Variants in SMYD3 observed in about 807,000 individuals in gnomAD.
SMYD3 encodes the protein histone-lysine N-methyltransferase SMYD3.
In SMYD3, 36 loss-of-function variants were observed where a neutral mutation model predicts 57.7. The observed-to-expected ratio is 0.62, with a 90% confidence interval of 0.48 to 0.82. The LOEUF (loss-of-function observed/expected upper bound fraction) is 0.82, where lower values mean the gene tolerates loss of function less well. Ranked by LOEUF, SMYD3 falls within the 40% of genes least tolerant of loss-of-function variation. SMYD3 has a pLI of 0.00. For synonymous variants in SMYD3, 211 were observed against 195.0 expected, an observed-to-expected ratio of 1.08 and a Z score of -0.68; for missense variants, 515 against 538.8, an observed-to-expected ratio of 0.96 and a Z score of 0.44.
chr1:246,234,422 ACTGTG>A (rs2063480084), intron 5 of SMYD3, among the ~76,000 whole-genome samples: 1 of 152,308 alleles, frequency 6.6e-6, no homozygotes. Flanking sequence ...TTCCATTCAC[ACTGTG>A]ATGAACATAT....
intron 5 of SMYD3, among the ~76,000 whole-genome samples, chr1:246,117,542 G>C (rs1020208904): frequency 1.7e-4 from 26 of 152,142 alleles, no homozygotes; most frequent in African/African-American, 6.3e-4. Context: ...ATCTGATCCA[G>C]GTGTCTGGTT....
chr1:246,100,009 T>C (rs78665088), intron 5 of SMYD3, among the ~76,000 whole-genome samples: 4,953 of 152,238 alleles, frequency 0.033, 284 homozygotes, highest in African/African-American at 0.11. Context: ...GATATATTTA[T>C]CTAATATATT....
intron 10 of SMYD3, among the ~76,000 whole-genome samples, chr1:245,810,128 C>T (rs1230662034): frequency 6.6e-6 from 1 of 152,160 alleles, no homozygotes; most frequent in Non-Finnish European, 1.5e-5. Context: ...TGTCTCTTTC[C>T]GCAGTACTCT....
intron 5 of SMYD3, among the ~76,000 whole-genome samples, chr1:245,969,369 C>T (rs2058237707): frequency 6.6e-6 from 1 of 152,234 alleles, no homozygotes; most frequent in Admixed American, 6.5e-5. Flanking sequence ...TTCCAGTCCA[C>T]AGGCCTTTGA....
At chr1:246,040,251 T>G (rs1558174232) in intron 5 of SMYD3, among the ~76,000 whole-genome samples, 1 of 152,224 alleles carries the variant, frequency 6.6e-6, no homozygotes, top group Non-Finnish European at 1.5e-5. Context: ...AGAGGATTTA[T>G]GTAGCTCCGG....
chr1:246,437,248 GT>G (rs1437157872), intron 1 of SMYD3, among the ~76,000 whole-genome samples: 6 of 152,130 alleles, frequency 3.9e-5, no homozygotes, highest in Non-Finnish European at 7.4e-5. Context: ...AATCTCACCT[GT>G]CTTTTTGGGA....
At chr1:246,354,044 C>A (rs1017850658) in intron 2 of SMYD3, among the ~76,000 whole-genome samples, 1 of 152,086 alleles carries the variant, frequency 6.6e-6, no homozygotes, top group Middle Eastern at 3.4e-3. Context: ...AGAAGAAAAC[C>A]CCTGAGACAA....
chr1:245,910,065 G>C (rs561604102), intron 8 of SMYD3, among the ~76,000 whole-genome samples: 7 of 152,120 alleles, frequency 4.6e-5, no homozygotes, highest in African/African-American at 1.7e-4. Flanking sequence ...CTAGAACCAA[G>C]AGACTCCAAC....
At chr1:245,872,255 G>T (rs2052237766) in intron 8 of SMYD3, among the ~76,000 whole-genome samples, 1 of 152,196 alleles carries the variant, frequency 6.6e-6, no homozygotes, top group Non-Finnish European at 1.5e-5. Context: ...GGATCTCAGT[G>T]CCTTTAACAG....
At chr1:246,080,381 G>C (rs1396420056) in intron 5 of SMYD3, among the ~76,000 whole-genome samples, 2 of 139,098 alleles carry the variant, frequency 1.4e-5, no homozygotes, top group African/African-American at 5.6e-5. Flanking sequence ...CTGGGCATGT[G>C]AGGGATCTAG....
At chr1:246,225,008 G>A (rs773568874) in intron 5 of SMYD3, among the ~76,000 whole-genome samples, 2 of 151,874 alleles carry the variant, frequency 1.3e-5, no homozygotes, top group African/African-American at 4.8e-5. Context: ...CTGGACATAC[G>A]AACGGGAGCT....
Position 245,954,775 on chromosome 1 carries a change from C to A in SMYD3, c.532-24838G>T, listed in dbSNP as rs532923018. On this transcript the variant is annotated intron_variant, in intron 5 of 11. Transcript: ENST00000490107. ...ACTCTCACATTCAGCCCTTTCTTCCCGTTTCCACTGCAGGTATTTGTCTCC... is the reference window on the plus strand; with the variant it reads ...ACTCTCACATTCAGCCCTTTCTTCCAGTTTCCACTGCAGGTATTTGTCTCC... Among the ~76,000 whole-genome samples, 3 of 152,324 alleles carry A rather than the reference C, an allele frequency of 2.0e-5. No homozygotes were observed. In the South Asian group the frequency reaches 6.2e-4, roughly 32 times the overall value.
At chr1:246,478,769 A>G (rs78758484) in intron 1 of SMYD3, among the ~76,000 whole-genome samples, 184 of 14,366 alleles carry the variant, frequency 0.013, 79 homozygotes, top group Non-Finnish European at 0.03. Context: ...GTAAGTGCTC[A>G]TATATGTACA....
Position 245,844,411 on chromosome 1 carries a change from T to C in SMYD3, c.1076+14085A>G, listed in dbSNP as rs554773507. ...GTTCTCTCTGGACCCCCCAGATATA[T>C]GTTATGATTTTTATGTTGTATGAAC... is the stretch of plus-strand genomic sequence containing the variant. On this transcript the variant is annotated intron_variant, in intron 10 of 11. Transcript: ENST00000490107. Among the ~76,000 whole-genome samples the C allele has an allele frequency of 5.3e-5, 8 of 152,030 alleles. No individual in the cohort carries two copies. In the South Asian group the frequency reaches 1.7e-3, roughly 32 times the overall value.
intron 5 of SMYD3, among the ~76,000 whole-genome samples, chr1:246,057,956 C>T (rs759660399): frequency 2.0e-5 from 3 of 151,982 alleles, no homozygotes; most frequent in Non-Finnish European, 2.9e-5. Context: ...TGAAAAGGCA[C>T]GGAGCAATCT....
At chr1:246,385,530 GA>G (rs905233978) in intron 1 of SMYD3, among the ~76,000 whole-genome samples, 4 of 152,064 alleles carry the variant, frequency 2.6e-5, no homozygotes, top group Admixed American at 2.6e-4. Context: ...TCCTAGGAGA[GA>G]AAGGACCCAC....
intron 5 of SMYD3, among the ~76,000 whole-genome samples, chr1:246,231,639 TAGAG>T (rs1401208121): frequency 2.0e-5 from 3 of 152,238 alleles, no homozygotes; most frequent in Admixed American, 2.0e-4. Flanking sequence ...CATAATATCC[TAGAG>T]ATAGTATCTC....
At chr1:246,071,664 TC>T (rs2060446332) in intron 5 of SMYD3, among the ~76,000 whole-genome samples, 1 of 152,186 alleles carries the variant, frequency 6.6e-6, no homozygotes, top group African/African-American at 2.4e-5. Context: ...ATCTCTGAAA[TC>T]GAAAATCCTG....
chr1:245,783,568 T>A (rs539109058), intron 10 of SMYD3, among the ~76,000 whole-genome samples: 3 of 149,896 alleles, frequency 2.0e-5, no homozygotes, highest in Non-Finnish European at 4.5e-5. Context: ...AAAAAAAAAA[T>A]AACAGGATAT....
Sources: allele counts gnomAD v4.1 joint callset (sites outside exome capture counted in the v4.1 genomes callset), GRCh38; gene constraint gnomAD v4.1.1; transcripts MANE v1.5; gene names NCBI Gene and HGNC (gene_info 2026-07-23, HGNC 2026-07-21).